Variants in NXPE1 observed in about 807,000 individuals in gnomAD.
NXPE1 encodes neurexophilin and PC-esterase domain family member 1.
NXPE1 carries 31 observed loss-of-function variants against 33.3 expected under a neutral mutation model. The ratio of observed to expected loss-of-function variants is 0.93; its 90% confidence interval spans 0.70 to 1.26. NXPE1 has a LOEUF of 1.26. NXPE1 is among the 50% of genes most tolerant of loss of function. The probability of loss-of-function intolerance (pLI) is 0.00; values close to 1 mark genes in which losing one functional copy is unlikely to be tolerated. For synonymous variants in NXPE1, 229 were observed against 231.4 expected (o/e 0.99, Z 0.09); for missense variants, 661 against 655.6 (o/e 1.01, Z -0.09).
At chr11:114,547,360 G>A (rs1948317154) in intron 5 of NXPE1, among the ~76,000 whole-genome samples, 1 of 152,202 alleles carries the variant, frequency 6.6e-6, no homozygotes, top group East Asian at 1.9e-4. Context: ...TGGAAGGACA[G>A]TTTACAAAAT....
At chr11:114,551,241 T>C (rs1948471875) in intron 4 of NXPE1, 30 bp from the exon 5 acceptor site, 1 of 1,417,596 alleles carries the variant, frequency 7.1e-7, no homozygotes, top group East Asian at 2.5e-5. Flanking sequence ...AGAGGAGTCG[T>C]GAGAAGTGAA....
chr11:114,540,219 A>G (rs1291692600), intron 5 of NXPE1, among the ~76,000 whole-genome samples: 1 of 152,180 alleles, frequency 6.6e-6, no homozygotes. Flanking sequence ...GGCCTCCCAA[A>G]GTGCTGGGAT....
At chr11:114,538,591 C>G (rs1235427014) in intron 5 of NXPE1, among the ~76,000 whole-genome samples, 6 of 152,114 alleles carry the variant, frequency 3.9e-5, no homozygotes, top group African/African-American at 2.4e-5. Context: ...AAGAAAAAAA[C>G]AAACAACCCC....
intron 8 of NXPE1, 89 bp from the exon 9 acceptor site, chr11:114,522,592 T>C (rs492840): frequency 0.67 from 721,784 of 1,080,016 alleles, 245,071 homozygotes; most frequent in African/African-American, 0.88. Context: ...ATACCCACCC[T>C]ACCTAGATAA....
intron 5 of NXPE1, among the ~76,000 whole-genome samples, chr11:114,532,578 A>G (rs991528936): frequency 4.6e-5 from 7 of 152,142 alleles, no homozygotes; most frequent in Non-Finnish European, 1.0e-4. Flanking sequence ...CTTATATAAC[A>G]AGGAAAAACA....
intron 5 of NXPE1, among the ~76,000 whole-genome samples, chr11:114,536,200 T>G (rs1947815526): frequency 6.6e-6 from 1 of 152,086 alleles, no homozygotes; most frequent in African/African-American, 2.4e-5. Flanking sequence ...CATAATGAAA[T>G]GAAGGCAGAA....
At chr11:114,543,105 A>T (rs1474455330) in intron 5 of NXPE1, among the ~76,000 whole-genome samples, 1 of 151,884 alleles carries the variant, frequency 6.6e-6, no homozygotes, top group Non-Finnish European at 1.5e-5. Context: ...TACATAAAGA[A>T]ATCACTTTGG....
intron 5 of NXPE1, among the ~76,000 whole-genome samples, chr11:114,542,553 T>TA (rs958732664): frequency 2.9e-4 from 44 of 152,122 alleles, no homozygotes; most frequent in Non-Finnish European, 2.5e-4. Context: ...AGTACAACTA[T>TA]AAAAAATTGG....
In NXPE1 at chr11:114,539,177, A is replaced by G. The variant is rs192527043; in HGVS notation, c.100-8269T>C. Among the ~76,000 whole-genome samples, 829 of 152,186 alleles carry G rather than the reference A, an allele frequency of 5.4e-3. 15 individuals are homozygous for G. Among genetic ancestry groups the G allele is most frequent in the African/African-American group, 0.019 (796 of 41,522 alleles). On this transcript the variant is annotated intron_variant, in intron 5 of 8. Transcript: ENST00000534921. ...AAACCATCATTCTGAGCAAACTATC[A>G]CAAGGACAAAAAACCAAATACCGCA... is the stretch of plus-strand genomic sequence containing the variant.
intron 7 of NXPE1, among the ~76,000 whole-genome samples, chr11:114,523,367 C>T (rs960257608): frequency 2.6e-5 from 4 of 152,130 alleles, no homozygotes; most frequent in South Asian, 4.2e-4. Flanking sequence ...CTTTCTTTGA[C>T]GTTCTATCCT....
chr11:114,551,739 G>T (rs2135114931), intron 3 of NXPE1, among the ~76,000 whole-genome samples: 1 of 152,186 alleles, frequency 6.6e-6, no homozygotes. Context: ...CTTCAGGAAT[G>T]AATTACTCTG....
In NXPE1 at chr11:114,557,737, T is replaced by A. The variant is rs1351330991; in HGVS notation, c.-211+2061A>T. On this transcript the variant is annotated intron_variant, in intron 1 of 8. Transcript: ENST00000534921. ...TCTTTTTCATTCTTCTTTGCCGTTC[T>A]CTACTGTCATTTGGGAGAATTTATC... is the stretch of plus-strand genomic sequence containing the variant. Among the ~76,000 whole-genome samples the A allele has an allele frequency of 2.0e-5, 3 of 150,496 alleles. No individual in the cohort carries two copies. In the East Asian group the frequency reaches 5.8e-4, roughly 29 times the overall value.
intron 5 of NXPE1, among the ~76,000 whole-genome samples, chr11:114,548,659 AAG>A (rs1201196267): frequency 6.6e-6 from 1 of 152,040 alleles, no homozygotes; most frequent in African/African-American, 2.4e-5. Flanking sequence ...ATACAGCTAA[AAG>A]AATTATCAGT....
chr11:114,556,995 C>G (rs1391039041), intron 1 of NXPE1, among the ~76,000 whole-genome samples: 1 of 151,628 alleles, frequency 6.6e-6, no homozygotes, highest in African/African-American at 2.4e-5. Context: ...TGGGTTCAAG[C>G]AATTATAGTG....
intron 7 of NXPE1, 120 bp downstream of exon 7, chr11:114,527,720 C>T: frequency 1.7e-6 from 1 of 595,212 alleles, no homozygotes. Flanking sequence ...TAAAGTCCAG[C>T]ATGATTGACA....
intron 5 of NXPE1, among the ~76,000 whole-genome samples, chr11:114,548,177 C>T (rs1045712915): frequency 6.6e-6 from 1 of 152,020 alleles, no homozygotes; most frequent in Non-Finnish European, 1.5e-5. Flanking sequence ...GAGATACATG[C>T]TTAAAGCAGA....
chr11:114,540,827 A>G (rs944763336), intron 5 of NXPE1, among the ~76,000 whole-genome samples: 1 of 137,028 alleles, frequency 7.3e-6, no homozygotes, highest in African/African-American at 2.7e-5. Context: ...AAAACACAAT[A>G]GAAAGCCATC....
chr11:114,539,539 C>T (rs1259887019), intron 5 of NXPE1, among the ~76,000 whole-genome samples: 1 of 152,090 alleles, frequency 6.6e-6, no homozygotes, highest in Non-Finnish European at 1.5e-5. Flanking sequence ...AAAGATGTAG[C>T]ACTTTGAAAT....
intron 7 of NXPE1, among the ~76,000 whole-genome samples, chr11:114,524,703 T>G (rs934156455): frequency 2.6e-5 from 4 of 152,214 alleles, no homozygotes; most frequent in African/African-American, 7.2e-5. Context: ...GCTGAGAACA[T>G]AGCCTTTAAG....
Sources: allele counts gnomAD v4.1 joint callset (sites outside exome capture counted in the v4.1 genomes callset), GRCh38; gene constraint gnomAD v4.1.1; transcripts MANE v1.5; gene names NCBI Gene and HGNC (gene_info 2026-07-23, HGNC 2026-07-21).